The following NEXMIF variants were observed in gnomAD, a reference collection of about 807,000 sequenced individuals.
NEXMIF encodes the protein neurite extension and migration factor, also known as XLMR protein related to neurite extension.
Under a neutral mutation model 62.1 loss-of-function variants are expected in NEXMIF, and 8 were observed. That is an observed-to-expected ratio of 0.13 (90% CI 0.08 to 0.23). The LOEUF (loss-of-function observed/expected upper bound fraction) is 0.23, where lower values mean the gene tolerates loss of function less well. Among genes scored for constraint, NEXMIF ranks in the 10% least tolerant of loss-of-function variants. The pLI is 1.00. For missense variants in NEXMIF, 976 were observed against 1,113.3 expected (o/e 0.88, Z 1.75); for synonymous variants, 404 against 416.6 (o/e 0.97, Z 0.37).
intron 1 of NEXMIF, among the ~76,000 whole-genome samples, chrX:74,768,007 G>C (rs1228009919): frequency 2.7e-5 from 3 of 111,240 alleles, no homozygotes; most frequent in African/African-American, 9.8e-5. Context: ...TGGAGTTGCA[G>C]CCTCTTTTGC....
At chrX:74,863,238 C>A (rs1451989703) in intron 1 of NEXMIF, among the ~76,000 whole-genome samples, 1 of 108,480 alleles carries the variant, frequency 9.2e-6, no homozygotes, top group African/African-American at 3.4e-5. Context: ...GAACCAAGAG[C>A]AAACAAACTT....
At chrX:74,852,085 A>G (rs2147494713) in intron 1 of NEXMIF, among the ~76,000 whole-genome samples, 1 of 111,634 alleles carries the variant, frequency 9.0e-6, no homozygotes, top group East Asian at 2.8e-4. Flanking sequence ...TTCACCTGTA[A>G]AGACACATAT....
intron 1 of NEXMIF, among the ~76,000 whole-genome samples, chrX:74,875,323 C>T (rs1287655813): frequency 3.6e-5 from 4 of 111,788 alleles, no homozygotes; most frequent in African/African-American, 9.8e-5. Flanking sequence ...TTGAACCAGC[C>T]TTGCATCCCA....
chrX:74,814,092 C>T (rs1209344438), intron 1 of NEXMIF, among the ~76,000 whole-genome samples: 2 of 111,570 alleles, frequency 1.8e-5, no homozygotes, highest in African/African-American at 6.5e-5. Context: ...TACCTGTTCT[C>T]ACTCCAAGGA....
At chrX:74,819,479 A>C (rs1038312444) in intron 1 of NEXMIF, among the ~76,000 whole-genome samples, 1 of 112,275 alleles carries the variant, frequency 8.9e-6, no homozygotes, top group Non-Finnish European at 1.9e-5. Flanking sequence ...GAACTTAAAC[A>C]AATTTACAAG....
At chrX:74,775,038 AT>A (rs942266871) in intron 1 of NEXMIF, among the ~76,000 whole-genome samples, 12 of 111,449 alleles carry the variant, frequency 1.1e-4, no homozygotes, top group Admixed American at 1.1e-3. Flanking sequence ...CTGTTAAAAT[AT>A]TTTTTTGGGG....
At chrX:74,876,435 T>A (rs774523513) in intron 1 of NEXMIF, among the ~76,000 whole-genome samples, 2 of 111,320 alleles carry the variant, frequency 1.8e-5, no homozygotes, top group African/African-American at 6.5e-5. Context: ...TTGGAATAGG[T>A]GTAGTGTGGT....
intron 1 of NEXMIF, among the ~76,000 whole-genome samples, chrX:74,747,072 C>T (rs2080128005): frequency 9.0e-6 from 1 of 111,593 alleles, no homozygotes; most frequent in Admixed American, 9.6e-5. Context: ...TCAAAGACGA[C>T]CCTATAAATC....
intron 1 of NEXMIF, among the ~76,000 whole-genome samples, chrX:74,876,401 T>C (rs1046316172): frequency 6.3e-5 from 7 of 111,666 alleles, no homozygotes; most frequent in African/African-American, 2.0e-4. Flanking sequence ...GAGGACTGCT[T>C]TGCTTCCAAG....
rs1185449870 is a variant in NEXMIF, at chrX:74,885,324, C to T, written c.-48+39559G>A. 9.9e-5 allele frequency among the ~76,000 whole-genome samples: 11 copies of T among 111,256 alleles called. No homozygotes were observed. In the South Asian group the frequency reaches 1.1e-3, roughly 11 times the overall value. On this transcript the variant is annotated intron_variant, in intron 1 of 3. Coordinates refer to ENST00000055682, the MANE Select transcript of NEXMIF (RefSeq NM_001008537.3). ...AGCAGAACTGAAGGAAATAGAGACA[C>T]AAAAAACCCTTCAAAAAATCAGTGA...
intron 1 of NEXMIF, among the ~76,000 whole-genome samples, chrX:74,920,543 T>C (rs1036597839): frequency 1.8e-5 from 2 of 111,081 alleles, no homozygotes; most frequent in Admixed American, 1.9e-4. Context: ...GTCAGATGAG[T>C]AGGTTGCAAA....
intron 1 of NEXMIF, among the ~76,000 whole-genome samples, chrX:74,783,926 G>T (rs906166599): frequency 9.0e-6 from 1 of 110,754 alleles, no homozygotes; most frequent in Non-Finnish European, 1.9e-5. Context: ...TTAGGTATGA[G>T]TATGTGCACT....
At chrX:74,887,981 T>G (rs1217323464) in intron 1 of NEXMIF, among the ~76,000 whole-genome samples, 1 of 110,722 alleles carries the variant, frequency 9.0e-6, no homozygotes, top group Non-Finnish European at 1.9e-5. Context: ...AAAGGATGAG[T>G]TCATGTCCTT....
chrX:74,887,534 A>C (rs957490209), intron 1 of NEXMIF, among the ~76,000 whole-genome samples: 2 of 112,535 alleles, frequency 1.8e-5, no homozygotes, highest in African/African-American at 6.5e-5. Flanking sequence ...CAGCCAAAAA[A>C]CACATGAAGA....
chrX:74,741,797 T>C lies in NEXMIF; in HGVS notation c.2760A>G (p.Gln920=), dbSNP rs776150276. The stretch of plus-strand genomic sequence containing the variant: ...TGAGGTTATTTTCCATGGAGACTAC[T>C]TGGGAGGCTCCAAATTCACTGGATT... ...PTQSSEFGAS[Q]VVSMENNLTP... is the part of the protein sequence containing the mutation. The change falls in exon 3 of 4, where the codon CAA becomes CAG. Residue 920 remains glutamine (Q), a synonymous_variant. Coordinates refer to ENST00000055682, the MANE Select transcript of NEXMIF (RefSeq NM_001008537.3). 8.3e-7 allele frequency: 1 copy of C among 1,212,004 alleles called. No individual in the cohort carries two copies. The highest frequency in any genetic ancestry group is 1.1e-6 in the Non-Finnish European group (1 of 895,419).
At chrX:74,886,570 T>C (rs936174148) in intron 1 of NEXMIF, among the ~76,000 whole-genome samples, 2 of 110,845 alleles carry the variant, frequency 1.8e-5, no homozygotes, top group Non-Finnish European at 1.9e-5. Context: ...GAAAATGAAA[T>C]ACCTAGGAAT....
chrX:74,754,454 G>A (rs951854033), intron 1 of NEXMIF, among the ~76,000 whole-genome samples: 3 of 106,882 alleles, frequency 2.8e-5, no homozygotes, highest in African/African-American at 1.0e-4. Flanking sequence ...GATTACAGGC[G>A]CCTGACACCA....
Position 74,739,444 on chromosome X carries a change from CACAGGTAA to C in NEXMIF, c.4504_4511del (p.Leu1502ValfsTer2). The C allele has an allele frequency of 8.3e-7, 1 of 1,200,388 alleles. No individual in the cohort carries two copies. The highest frequency in any genetic ancestry group is 1.1e-6 in the Non-Finnish European group (1 of 891,466). ...GGAAAATGCGAGTCTCTTCTTCAAA[CACAGGTAA>C]AACCCAAAAGGTTGTTTCTGCTTTT... is the stretch of plus-strand genomic sequence containing the variant. On this transcript the variant is annotated frameshift_variant, in exon 4 of 4. Coordinates refer to ENST00000055682, the MANE Select transcript of NEXMIF (RefSeq NM_001008537.3). LOFTEE classifies it high-confidence loss of function.
Position 74,738,835 on chromosome X carries a change from T to TATATATATATATAC in NEXMIF, c.*556_*569dup, listed in dbSNP as rs1491296958. The TATATATATATATAC allele has an allele frequency of 2.4e-4, 25 of 105,996 alleles. No individual in the cohort carries two copies. Among genetic ancestry groups the TATATATATATATAC allele is most frequent in the African/African-American group, 8.7e-4 (25 of 28,815 alleles). The allele number at this position is 105,996 out of a possible 1,213,427, so 8.7% of individuals were successfully genotyped here. ...AACTTTAAAAGAACGTGTGTGTGTGTATATATATATATACATATATATACA... is the reference window on the plus strand; with the variant it reads ...AACTTTAAAAGAACGTGTGTGTGTGTATATATATATATACATATATATATATACATATATATACA... On this transcript the variant is annotated 3_prime_UTR_variant, in exon 4 of 4. Transcript: ENST00000055682.
Sources: gnomAD v4.1 joint callset for allele counts (sites outside exome capture counted in the v4.1 genomes callset) on GRCh38, gnomAD v4.1.1 for gene constraint, MANE v1.5 for transcripts, NCBI Gene and HGNC (gene_info 2026-07-23, HGNC 2026-07-21) for gene names.